The following SRGAP2C variants were observed in gnomAD, a reference collection of about 807,000 sequenced individuals.
The protein encoded by SRGAP2C is SLIT-ROBO Rho GTPase activating protein 2C.
A neutral mutation model predicts 25.1 loss-of-function variants in SRGAP2C; 15 were observed. The ratio of observed to expected loss-of-function variants is 0.60; its 90% CI spans 0.40 to 0.92. SRGAP2C has a LOEUF of 0.92. Among genes scored for constraint, SRGAP2C ranks in the 40% least tolerant of loss-of-function variants. The pLI is 0.00. For synonymous variants in SRGAP2C, 44 were observed against 96.6 expected (o/e 0.46, Z 3.19); for missense variants, 144 against 264.4 (o/e 0.54, Z 3.16).
intron 2 of SRGAP2C, among the ~76,000 whole-genome samples, chr1:121,237,560 G>A (rs1655988985): frequency 6.6e-6 from 1 of 151,190 alleles, no homozygotes; most frequent in African/African-American, 2.4e-5. Flanking sequence ...TACATTAGAA[G>A]AGAACCTACC....
Position 121,267,297 on chromosome 1 carries a change from G to A in SRGAP2C, c.68-17506G>A, listed in dbSNP as rs80346089. On this transcript the variant is annotated intron_variant, in intron 2 of 9. Coordinates refer to ENST00000367123, the MANE Select transcript of SRGAP2C (RefSeq NM_001329984.2). ...CAATCTTTGCCTTGTGGGCTCAAGC[G>A]GTTCTCATGGCTTGGCTTCCTGAAT... is the stretch of plus-strand genomic sequence containing the variant. Among the ~76,000 whole-genome samples the A allele has an allele frequency of 7.9e-4, 119 of 150,712 alleles. 1 individual carries two copies. The highest frequency in any genetic ancestry group is 2.5e-3 in the African/African-American group (102 of 40,344).
intron 4 of SRGAP2C, among the ~76,000 whole-genome samples, chr1:121,343,193 T>G (rs1281739754): frequency 1.3e-5 from 2 of 151,796 alleles, no homozygotes; most frequent in East Asian, 3.9e-4. Context: ...TTTTCAAACA[T>G]TGATATATCA....
chr1:121,294,678 T>A (rs1281735443), intron 3 of SRGAP2C, among the ~76,000 whole-genome samples: 10 of 123,042 alleles, frequency 8.1e-5, no homozygotes, highest in African/African-American at 3.0e-4. Context: ...AATAGCTCAT[T>A]TTTTTAGGTA....
chr1:121,213,144 C>A (rs1320709868), intron 2 of SRGAP2C, among the ~76,000 whole-genome samples: 1 of 149,364 alleles, frequency 6.7e-6, no homozygotes, highest in East Asian at 2.0e-4. Context: ...CTCCCAGGTT[C>A]AAATGATTTT....
At chr1:121,190,056 A>C (rs1156928282) in intron 2 of SRGAP2C, among the ~76,000 whole-genome samples, 1 of 151,584 alleles carries the variant, frequency 6.6e-6, no homozygotes, top group Non-Finnish European at 1.5e-5. Context: ...AAGAAGAAAA[A>C]GTCTCTACCC....
intron 2 of SRGAP2C, among the ~76,000 whole-genome samples, chr1:121,273,655 C>T (rs1657032312): frequency 6.6e-6 from 1 of 151,734 alleles, no homozygotes; most frequent in Non-Finnish European, 1.5e-5. Flanking sequence ...TCTTGTGGGA[C>T]ATCTTCACGT....
chr1:121,255,394 C>A (rs1238435840), intron 2 of SRGAP2C, among the ~76,000 whole-genome samples: 1 of 151,602 alleles, frequency 6.6e-6, no homozygotes, highest in Non-Finnish European at 1.5e-5. Context: ...GTTGTGGGAC[C>A]AGGAGCTTTG....
intron 2 of SRGAP2C, among the ~76,000 whole-genome samples, chr1:121,213,076 T>C (rs1655307042): frequency 2.0e-5 from 3 of 151,480 alleles, no homozygotes; most frequent in African/African-American, 7.3e-5. Context: ...GACAGTGTCT[T>C]GTTCTGTTGC....
At chr1:121,377,185 C>T (rs1553353530) in intron 7 of SRGAP2C, among the ~76,000 whole-genome samples, 1 of 135,524 alleles carries the variant, frequency 7.4e-6, no homozygotes, top group South Asian at 2.4e-4. Flanking sequence ...AAGAGGCTGC[C>T]TTAGTACTTG....
intron 4 of SRGAP2C, among the ~76,000 whole-genome samples, chr1:121,346,755 G>A (rs1203775344): frequency 7.2e-5 from 11 of 152,142 alleles, no homozygotes; most frequent in South Asian, 6.2e-4. Flanking sequence ...CTGCTGATGT[G>A]AGCTGATTAA....
At chr1:121,202,524 A>G (rs1295676040) in intron 2 of SRGAP2C, among the ~76,000 whole-genome samples, 16 of 144,826 alleles carry the variant, frequency 1.1e-4, no homozygotes, top group South Asian at 2.2e-4. Context: ...CGACTCCCGG[A>G]TTCAAGTGAT....
intron 2 of SRGAP2C, 34 bp from the exon 3 acceptor site, chr1:121,284,769 T>C: frequency 5.6e-6 from 3 of 536,868 alleles, no homozygotes; most frequent in Non-Finnish European, 9.1e-6. Flanking sequence ...TTTAGGGCTG[T>C]CTTTCTGACT....
intron 4 of SRGAP2C, among the ~76,000 whole-genome samples, chr1:121,335,682 G>T (rs1355534125): frequency 2.1e-4 from 32 of 150,066 alleles, no homozygotes; most frequent in Non-Finnish European, 4.0e-4. Flanking sequence ...TGAACTCTGG[G>T]GCTCAAATGA....
intron 3 of SRGAP2C, among the ~76,000 whole-genome samples, chr1:121,322,193 A>C (rs1213712659): frequency 6.7e-6 from 1 of 148,882 alleles, no homozygotes; most frequent in Non-Finnish European, 1.5e-5. Flanking sequence ...GTCAATGTAA[A>C]GTCTCATGAG....
intron 2 of SRGAP2C, among the ~76,000 whole-genome samples, chr1:121,207,241 G>A (rs1220164255): frequency 8.5e-5 from 13 of 152,114 alleles, no homozygotes; most frequent in East Asian, 1.9e-4. Flanking sequence ...AAGGGGCTTC[G>A]TGTTTGTATG....
At chr1:121,377,263 C>CT (rs57457251) in intron 7 of SRGAP2C, among the ~76,000 whole-genome samples, 1,616 of 50,394 alleles carry the variant, frequency 0.032, 108 homozygotes, top group African/African-American at 0.045. Context: ...TCTCATGTTT[C>CT]TTTTTTTTTT....
At position 121,335,135 on chromosome 1, in the gene SRGAP2C, A is replaced by C. The variant is rs1415457416; in HGVS notation, c.423+10495A>C. ...TGGTGAAACCCCGTCTCTACTAAAA[A>C]TACAAAAATTAGCTGGGCATGGTGG... On this transcript the variant is annotated intron_variant, in intron 4 of 9. Transcript: ENST00000367123. 7.3e-5 allele frequency among the ~76,000 whole-genome samples: 11 copies of C among 150,286 alleles called. No homozygotes were observed. The South Asian group carries it at 1.9e-3, about 26-fold the overall frequency.
At chr1:121,206,306 T>C (rs1376423244) in intron 2 of SRGAP2C, among the ~76,000 whole-genome samples, 3 of 151,990 alleles carry the variant, frequency 2.0e-5, no homozygotes, top group Non-Finnish European at 4.4e-5. Context: ...TCCTGCACCA[T>C]GTTTGCATGT....
intron 6 of SRGAP2C, 40 bp from the exon 7 acceptor site, chr1:121,374,786 T>C (rs2772072): frequency 1.4e-6 from 1 of 728,966 alleles, no homozygotes; most frequent in Admixed American, 1.9e-5. Flanking sequence ...AGCCCCCCTT[T>C]AAAAAAAAAG....
Sources: allele counts gnomAD v4.1 joint callset (sites outside exome capture counted in the v4.1 genomes callset), GRCh38; gene constraint gnomAD v4.1.1; transcripts MANE v1.5; gene names NCBI Gene and HGNC (gene_info 2026-07-23, HGNC 2026-07-21).